Variants in RASA3 observed in about 807,000 individuals in gnomAD.
RASA3 encodes the protein RAS p21 protein activator 3.
A neutral mutation model predicts 110.0 loss-of-function variants in RASA3; 73 were observed. The ratio of observed to expected loss-of-function variants is 0.66; its 90% confidence interval spans 0.55 to 0.81. The LOEUF (loss-of-function observed/expected upper bound fraction) is 0.81. Ranked by LOEUF, RASA3 falls within the 30% of genes least tolerant of loss-of-function variation. RASA3 has a pLI of 0.00. For synonymous variants in RASA3, 500 were observed against 451.4 expected (o/e 1.11, Z -1.37); for missense variants, 976 against 1,113.2 (o/e 0.88, Z 1.75).
chr13:114,067,078 C>T (rs1477211470), intron 2 of RASA3, among the ~76,000 whole-genome samples: 1 of 146,692 alleles, frequency 6.8e-6, no homozygotes, highest in East Asian at 2.0e-4. Context: ...ACAGGCCCCC[C>T]AACCTGGGCT....
intron 1 of RASA3, among the ~76,000 whole-genome samples, chr13:114,129,191 A>T (rs75009714): frequency 6.6e-6 from 1 of 152,232 alleles, no homozygotes; most frequent in Non-Finnish European, 1.5e-5. Flanking sequence ...CAGCGATCGC[A>T]TAGGAAGTGT....
intron 22 of RASA3, 141 bp downstream of exon 22, chr13:113,992,344 C>A: frequency 1.7e-6 from 1 of 573,768 alleles, no homozygotes. Context: ...CGCATCCATC[C>A]GTGCTACAAA....
intron 1 of RASA3, among the ~76,000 whole-genome samples, chr13:114,092,726 G>T (rs1341370530): frequency 5.3e-5 from 8 of 152,086 alleles, no homozygotes; most frequent in African/African-American, 1.9e-4. Flanking sequence ...TGATTTTTCT[G>T]CCTGGATGAC....
chr13:114,034,524 C>T (rs1038081109), intron 4 of RASA3, among the ~76,000 whole-genome samples: 1 of 152,206 alleles, frequency 6.6e-6, no homozygotes, highest in African/African-American at 2.4e-5. Flanking sequence ...GGTCCTGAGG[C>T]TGCTCCTGTT....
rs113315935 is a variant in RASA3, at chr13:114,015,875, G to T, written c.1281+322C>A. 1.9e-3 allele frequency among the ~76,000 whole-genome samples: 292 copies of T among 152,202 alleles called. 1 individual carries two copies. The highest frequency in any genetic ancestry group is 6.6e-3 in the African/African-American group (273 of 41,524). On this transcript the variant is annotated intron_variant, in intron 13 of 23. Coordinates refer to ENST00000334062, the MANE Select transcript of RASA3 (RefSeq NM_007368.4). ...CAGAGCTGGTCAGGATTGTCCAGGG[G>T]AGGCAGAGCAGGGTGTGCAGGGCAG...
chr13:114,047,441 C>T (rs555839477), intron 3 of RASA3, among the ~76,000 whole-genome samples: 1 of 152,170 alleles, frequency 6.6e-6, no homozygotes, highest in Non-Finnish European at 1.5e-5. Flanking sequence ...CTGCTCTCAC[C>T]CGCTGCTGGA....
At chr13:114,009,942 G>T in intron 16 of RASA3, among the ~76,000 whole-genome samples, 1 of 152,242 alleles carries the variant, frequency 6.6e-6, no homozygotes, top group Non-Finnish European at 1.5e-5. Context: ...ATTCGGGGGG[G>T]CCTTTGCAGC....
At chr13:114,129,276 T>C (rs1240524148) in intron 1 of RASA3, among the ~76,000 whole-genome samples, 1 of 152,258 alleles carries the variant, frequency 6.6e-6, no homozygotes, top group African/African-American at 2.4e-5. Context: ...GTGTTTAAGA[T>C]GTTTAAGTGC....
intron 4 of RASA3, among the ~76,000 whole-genome samples, chr13:114,034,797 T>A (rs1482254024): frequency 6.6e-6 from 1 of 152,214 alleles, no homozygotes; most frequent in Non-Finnish European, 1.5e-5. Flanking sequence ...AAAGTGTTAC[T>A]CATCAAAATC....
intron 2 of RASA3, among the ~76,000 whole-genome samples, chr13:114,063,542 C>G (rs1172988410): frequency 6.6e-6 from 1 of 152,134 alleles, no homozygotes; most frequent in Non-Finnish European, 1.5e-5. Context: ...ACAGAGTCAG[C>G]TTTTTCCTTT....
At chr13:113,990,680 T>G (rs547718561) in intron 22 of RASA3, among the ~76,000 whole-genome samples, 4 of 152,226 alleles carry the variant, frequency 2.6e-5, no homozygotes, top group African/African-American at 9.6e-5. Context: ...CTGTGGTGGG[T>G]GGTGGCCCAT....
intron 2 of RASA3, among the ~76,000 whole-genome samples, chr13:114,054,745 G>A (rs61973900): frequency 0.14 from 20,586 of 152,278 alleles, 1,788 homozygotes; most frequent in Middle Eastern, 0.21. Flanking sequence ...TTTCAATGAA[G>A]GCAGAATGCT....
rs1341592972 is a variant in RASA3, at chr13:114,009,414, C to T, written c.1641G>A (p.Glu547=). ...YMATFYEFFN[E]QKYADAVKNF... ...TCTTCACCGCATCAGCATATTTCTG[C>T]TCATTGAAGAATTCATAAAATGTAG... Residue 547 remains glutamate (E), a synonymous_variant, in exon 17 of 24, where the codon GAG becomes GAA. Coordinates refer to ENST00000334062, the MANE Select transcript of RASA3 (RefSeq NM_007368.4). The T allele has an allele frequency of 6.2e-7, 1 of 1,612,512 alleles. No individual in the cohort carries two copies. Among genetic ancestry groups the T allele is most frequent in the East Asian group, 2.2e-5 (1 of 44,878 alleles).
chr13:114,065,051 G>A lies in RASA3; in HGVS notation c.173+8669C>T, dbSNP rs182860529. Among the ~76,000 whole-genome samples the A allele has an allele frequency of 6.6e-6, 1 of 152,266 alleles. No homozygotes were observed. The highest frequency in any genetic ancestry group is 1.5e-5 in the Non-Finnish European group (1 of 67,998). On this transcript the variant is annotated intron_variant, in intron 2 of 23. Transcript: ENST00000334062. The surrounding 1 kb of genome is among the most constrained non-coding windows in gnomAD (Gnocchi z 4.1). ...TCACAGAATCAAGCAAACTTTCACG[G>A]GGAAAAAAGAAAAAACCTCTTGCAG...
intron 2 of RASA3, among the ~76,000 whole-genome samples, chr13:114,053,973 A>T (rs2079195555): frequency 6.6e-6 from 1 of 152,098 alleles, no homozygotes; most frequent in African/African-American, 2.4e-5. Flanking sequence ...TAAAAATACA[A>T]AAATTAGCAG....
At chr13:114,039,252 C>T (rs776071494) in intron 4 of RASA3, among the ~76,000 whole-genome samples, 4 of 151,678 alleles carry the variant, frequency 2.6e-5, no homozygotes, top group Non-Finnish European at 5.9e-5. Flanking sequence ...GTCCCAGGGC[C>T]GCTGTGCAGC....
chr13:113,990,527 T>A (rs1199235926), intron 22 of RASA3, among the ~76,000 whole-genome samples: 1 of 152,210 alleles, frequency 6.6e-6, no homozygotes, highest in Non-Finnish European at 1.5e-5. Flanking sequence ...CTGTGTCGGT[T>A]CCTGCTATGA....
At chr13:114,010,592 G>GCGTGGGGAGGGGAGCGCCA (rs1566473384) in intron 16 of RASA3, among the ~76,000 whole-genome samples, 1 of 138,428 alleles carries the variant, frequency 7.2e-6, no homozygotes, top group African/African-American at 2.7e-5. Context: ...GGAGGGGGCC[G>GCGTGGGGAGGGGAGCGCCA]CGTGGGGAGG....
intron 8 of RASA3, among the ~76,000 whole-genome samples, chr13:114,022,562 G>A (rs566831055): frequency 7.9e-5 from 12 of 152,258 alleles, no homozygotes; most frequent in African/African-American, 2.9e-4. Context: ...TTACCCTTGC[G>A]AATCCTGCAG....
Sources: allele counts gnomAD v4.1 joint callset (sites outside exome capture counted in the v4.1 genomes callset), GRCh38; gene constraint gnomAD v4.1.1; non-coding constraint Gnocchi (gnomAD v3.1); transcripts MANE v1.5; gene names NCBI Gene and HGNC (gene_info 2026-07-23, HGNC 2026-07-21).